TMEM117: variants seen among roughly 807,000 people sequenced by gnomAD.
The protein encoded by TMEM117 is transmembrane protein 117.
TMEM117 carries 27 observed loss-of-function variants against 52.4 expected under a neutral mutation model. The ratio of observed to expected loss-of-function variants is 0.51; its 90% CI spans 0.38 to 0.71. The LOEUF is 0.71. TMEM117 is among the 30% of genes least tolerant of loss of function. The pLI is 0.00. For synonymous variants in TMEM117, 215 were observed against 206.3 expected (o/e 1.04, Z -0.36); for missense variants, 556 against 630.5 (o/e 0.88, Z 1.26).
intron 5 of TMEM117, among the ~76,000 whole-genome samples, chr12:44,279,368 A>G (rs1950551320): frequency 6.6e-6 from 1 of 152,214 alleles, no homozygotes; most frequent in Non-Finnish European, 1.5e-5. Context: ...TGTTTTAAAT[A>G]AATTATCCAA....
intron 3 of TMEM117, among the ~76,000 whole-genome samples, chr12:44,084,293 T>C (rs1303310596): frequency 6.6e-6 from 1 of 152,180 alleles, no homozygotes; most frequent in Non-Finnish European, 1.5e-5. Context: ...TTGAAAAGTC[T>C]TCCAATATCC....
chr12:44,047,637 G>A (rs944169220), intron 3 of TMEM117, among the ~76,000 whole-genome samples: 3 of 152,132 alleles, frequency 2.0e-5, no homozygotes, highest in African/African-American at 7.2e-5. Flanking sequence ...AATTTTACCA[G>A]CTAAATTGAA....
intron 6 of TMEM117, among the ~76,000 whole-genome samples, chr12:44,312,479 A>G (rs1401588141): frequency 2.0e-5 from 3 of 152,146 alleles, no homozygotes; most frequent in Admixed American, 6.6e-5. Context: ...CAGGGTGTAC[A>G]TGCATCACAT....
intron 5 of TMEM117, among the ~76,000 whole-genome samples, chr12:44,284,484 C>A (rs841068): frequency 6.6e-6 from 1 of 152,124 alleles, no homozygotes; most frequent in Non-Finnish European, 1.5e-5. Flanking sequence ...AACTGGTGAA[C>A]AATTTAGCAT....
chr12:44,333,616 CT>C (rs1318051199), intron 6 of TMEM117, among the ~76,000 whole-genome samples: 1 of 151,980 alleles, frequency 6.6e-6, no homozygotes, highest in Non-Finnish European at 1.5e-5. Flanking sequence ...GAAGGACATG[CT>C]TGCTTCCCCT....
At chr12:44,237,156 G>T (rs905637644) in intron 5 of TMEM117, among the ~76,000 whole-genome samples, 4 of 151,934 alleles carry the variant, frequency 2.6e-5, no homozygotes, top group African/African-American at 9.7e-5. Context: ...CAAGGGGTTT[G>T]ATCTGTTTCC....
intron 3 of TMEM117, among the ~76,000 whole-genome samples, chr12:44,052,088 T>G (rs1318005189): frequency 6.6e-6 from 1 of 152,234 alleles, no homozygotes; most frequent in African/African-American, 2.4e-5. Context: ...AGGGTTATCA[T>G]GTAGATTAAA....
intron 6 of TMEM117, among the ~76,000 whole-genome samples, chr12:44,314,606 G>A (rs1464252721): frequency 6.9e-5 from 10 of 144,378 alleles, no homozygotes; most frequent in South Asian, 6.6e-4. Flanking sequence ...TCACTCTGTC[G>A]CCAAGGTTGG....
intron 3 of TMEM117, among the ~76,000 whole-genome samples, chr12:44,018,844 C>T (rs550503092): frequency 4.0e-5 from 6 of 151,824 alleles, no homozygotes; most frequent in East Asian, 3.9e-4. Context: ...CTCAGCCTCC[C>T]GAGTAGCTGG....
chr12:44,107,324 A>G (rs1947974280), intron 3 of TMEM117, among the ~76,000 whole-genome samples: 2 of 152,134 alleles, frequency 1.3e-5, no homozygotes, highest in African/African-American at 2.4e-5. Flanking sequence ...TATTTGTCCA[A>G]TTAACACATT....
At chr12:44,269,885 G>A (rs1339811037) in intron 5 of TMEM117, among the ~76,000 whole-genome samples, 3 of 151,914 alleles carry the variant, frequency 2.0e-5, no homozygotes, top group East Asian at 3.9e-4. Context: ...ATCATCTCTG[G>A]ATAAAAAGAA....
intron 4 of TMEM117, among the ~76,000 whole-genome samples, chr12:44,184,947 C>T (rs1949256624): frequency 6.6e-6 from 1 of 152,158 alleles, no homozygotes; most frequent in South Asian, 2.1e-4. Context: ...TTGTACGCCT[C>T]CCTCTGCCTA....
At chr12:44,123,632 T>A (rs1362622649) in intron 3 of TMEM117, among the ~76,000 whole-genome samples, 2 of 152,244 alleles carry the variant, frequency 1.3e-5, no homozygotes, top group Non-Finnish European at 2.9e-5. Flanking sequence ...TAGCCAGTTC[T>A]CCCAACATCA....
intron 2 of TMEM117, among the ~76,000 whole-genome samples, chr12:43,888,216 G>T (rs1785731330): frequency 6.6e-6 from 1 of 152,056 alleles, no homozygotes; most frequent in Admixed American, 6.6e-5. Context: ...TTGTTTCAAG[G>T]ATTAAAGAAA....
chr12:44,269,724 A>G (rs1035189211), intron 5 of TMEM117, among the ~76,000 whole-genome samples: 2 of 152,008 alleles, frequency 1.3e-5, no homozygotes, highest in African/African-American at 2.4e-5. Context: ...ATATTTTTCA[A>G]TTTGAGGAAT....
At chr12:43,998,787 C>T (rs1360525720) in intron 3 of TMEM117, among the ~76,000 whole-genome samples, 1 of 151,966 alleles carries the variant, frequency 6.6e-6, no homozygotes, top group Non-Finnish European at 1.5e-5. Context: ...AAACAGCAAG[C>T]CAGGAAGTAA....
At chr12:44,117,796 A>G (rs1207113242) in intron 3 of TMEM117, among the ~76,000 whole-genome samples, 2 of 152,082 alleles carry the variant, frequency 1.3e-5, no homozygotes, top group South Asian at 2.1e-4. Flanking sequence ...ATATGTCGGA[A>G]TGATATTATT....
chr12:43,880,860 G>T (rs1465404390), intron 2 of TMEM117, among the ~76,000 whole-genome samples: 1 of 152,090 alleles, frequency 6.6e-6, no homozygotes, highest in East Asian at 1.9e-4. Context: ...TTTCATTTTT[G>T]TTAAGAATAG....
At chr12:43,887,244 A>G (rs897444776) in intron 2 of TMEM117, among the ~76,000 whole-genome samples, 1 of 152,224 alleles carries the variant, frequency 6.6e-6, no homozygotes, top group Non-Finnish European at 1.5e-5. Flanking sequence ...GGACAAAGCT[A>G]GAATCCAGTG....
Sources: gnomAD v4.1 joint callset for allele counts (sites outside exome capture counted in the v4.1 genomes callset) on GRCh38, gnomAD v4.1.1 for gene constraint, MANE v1.5 for transcripts, NCBI Gene and HGNC (gene_info 2026-07-23, HGNC 2026-07-21) for gene names.